The following PPP2R2C variants were observed in gnomAD, a reference collection of about 807,000 sequenced individuals.
PPP2R2C encodes the protein protein phosphatase 2 regulatory subunit Bgamma.
Under a neutral mutation model 45.3 loss-of-function variants are expected in PPP2R2C, and 10 were observed. The ratio of observed to expected loss-of-function variants is 0.22; its 90% confidence interval spans 0.14 to 0.37. The LOEUF (loss-of-function observed/expected upper bound fraction) is 0.37. Among genes scored for constraint, PPP2R2C ranks in the 10% least tolerant of loss-of-function variants. The pLI is 1.00. For synonymous variants in PPP2R2C, 257 were observed against 245.4 expected (o/e 1.05, Z -0.44); for missense variants, 308 against 619.7 (o/e 0.50, Z 5.34).
intron 3 of PPP2R2C, among the ~76,000 whole-genome samples, chr4:6,376,646 GTC>G (rs1241587506): frequency 6.6e-6 from 1 of 152,080 alleles, no homozygotes; most frequent in Non-Finnish European, 1.5e-5. Context: ...TAGAGATAGA[GTC>G]TCACCACGTT....
chr4:6,329,405 C>T lies in PPP2R2C; in HGVS notation c.961-52G>A, dbSNP rs374650423. On this transcript the variant is annotated intron_variant, in intron 7 of 8. Coordinates refer to ENST00000382599, the MANE Select transcript of PPP2R2C (RefSeq NM_020416.4). The surrounding 1 kb of genome is among the most constrained non-coding windows in gnomAD (Gnocchi z 5.8). ...GGACGGGGCGTCCCGACCATCCTGG[C>T]CCTTCCACAAGAAGGGTCTCAAAGA... 1.5e-4 allele frequency: 219 copies of T among 1,506,750 alleles called. No individual in the cohort carries two copies. Among genetic ancestry groups the T allele is most frequent in the Middle Eastern group, 1.4e-3 (8 of 5,858 alleles). 93.3% of individuals were successfully genotyped at this position (1,506,750 alleles called of 1,614,324 possible). A position where few individuals can be genotyped will look rare whatever the true frequency, so the allele number is the denominator to read the frequency against.
At chr4:6,358,521 A>C (rs954441434) in intron 5 of PPP2R2C, among the ~76,000 whole-genome samples, 1 of 77,798 alleles carries the variant, frequency 1.3e-5, no homozygotes, top group Non-Finnish European at 3.5e-5. Flanking sequence ...CTGCACAGCA[A>C]AAAAAAAAAA....
rs79170751 is a variant in PPP2R2C, at chr4:6,334,821, C to T, written c.791-1090G>A. 3.1e-3 allele frequency among the ~76,000 whole-genome samples: 468 copies of T among 152,344 alleles called. 2 individuals are homozygous for T. Among genetic ancestry groups the T allele is most frequent in the African/African-American group, 0.011 (452 of 41,580 alleles). On this transcript the variant is annotated intron_variant, in intron 6 of 8. Transcript: ENST00000382599. ...CCTGCTCTGGTCTCTACCCCAGAAA[C>T]AGGGAAGCAGAGCTGATCACAGCAC...
At position 6,467,343 on chromosome 4, in the gene PPP2R2C, C is replaced by T. The variant is rs188730236; in HGVS notation, c.70+4817G>A. Among the ~76,000 whole-genome samples the T allele has an allele frequency of 8.3e-3, 1,266 of 152,092 alleles. 11 individuals are homozygous for T. Among genetic ancestry groups the T allele is most frequent in the Non-Finnish European group, 0.011 (746 of 67,990 alleles). On this transcript the variant is annotated intron_variant, in intron 1 of 8. Transcript: ENST00000382599. ...GTTCTAAGGGCTAGTCTAACTCTGG[C>T]CCCTAAAGAATAGACATCATCACTT...
chr4:6,363,326 C>A (rs1200776203), intron 5 of PPP2R2C, among the ~76,000 whole-genome samples: 1 of 152,170 alleles, frequency 6.6e-6, no homozygotes, highest in Non-Finnish European at 1.5e-5. Flanking sequence ...CGCCTGTAAA[C>A]CCAGCACTTT....
In PPP2R2C at chr4:6,351,683, G is replaced by A. The variant is rs552382642; in HGVS notation, c.626-3673C>T. On this transcript the variant is annotated intron_variant, in intron 5 of 8. Coordinates refer to ENST00000382599, the MANE Select transcript of PPP2R2C (RefSeq NM_020416.4). ...GCAGAAGGAGAAAAATCACTGTCACGGCCAATGCGGCAGGCCCTCCACAAC... is the reference window on the plus strand; with the variant it reads ...GCAGAAGGAGAAAAATCACTGTCACAGCCAATGCGGCAGGCCCTCCACAAC... Among the ~76,000 whole-genome samples the A allele has an allele frequency of 9.9e-5, 15 of 152,234 alleles. No individual in the cohort carries two copies. The South Asian group carries it at 2.9e-3, about 29-fold the overall frequency.
chr4:6,526,037 A>G (rs1250195393), intron 2 of PPP2R2C, among the ~76,000 whole-genome samples: 1 of 152,114 alleles, frequency 6.6e-6, no homozygotes, highest in Admixed American at 6.5e-5. Flanking sequence ...CTGATCTTGA[A>G]ATGGTTCTGG....
intron 1 of PPP2R2C, among the ~76,000 whole-genome samples, chr4:6,556,855 C>A (rs1037599771): frequency 6.6e-6 from 1 of 152,146 alleles, no homozygotes; most frequent in Non-Finnish European, 1.5e-5. Flanking sequence ...AGCCACTGCA[C>A]CCTCCTCCAA....
chr4:6,562,249 G>A (rs889208979), intron 1 of PPP2R2C, among the ~76,000 whole-genome samples: 1 of 152,180 alleles, frequency 6.6e-6, no homozygotes, highest in South Asian at 2.1e-4. Flanking sequence ...TGTGGGCAAC[G>A]GGCCCCACTC....
At position 6,328,395 on chromosome 4, in the gene PPP2R2C, C is replaced by T. The variant is rs1732125345; in HGVS notation, c.1052+867G>A. ...AGCAGCTGTAGGAGACACTGAGAGG[C>T]CACCTCTCAGCTTCTGAGATCGAAA... On this transcript the variant is annotated intron_variant, in intron 8 of 8. Transcript: ENST00000382599. This position sits in a 1 kb window ranked among gnomAD's most constrained non-coding sequence, Gnocchi z 4.4. Among the ~76,000 whole-genome samples the T allele has an allele frequency of 6.6e-6, 1 of 152,196 alleles. No individual in the cohort carries two copies. Among genetic ancestry groups the T allele is most frequent in the African/African-American group, 2.4e-5 (1 of 41,446 alleles).
chr4:6,522,146 C>A (rs1343528643), intron 2 of PPP2R2C, among the ~76,000 whole-genome samples: 1 of 152,226 alleles, frequency 6.6e-6, no homozygotes, highest in Non-Finnish European at 1.5e-5. Flanking sequence ...ACTCTCCTGC[C>A]TTCTCCCTGC....
intron 1 of PPP2R2C, among the ~76,000 whole-genome samples, chr4:6,389,467 T>C (rs1275038604): frequency 6.6e-6 from 1 of 152,116 alleles, no homozygotes; most frequent in African/African-American, 2.4e-5. Context: ...CTGCTAAGGA[T>C]GGAGGTGGGC....
chr4:6,554,930 G>GAAAGAAAGAAAGAAA (rs1725320816), intron 1 of PPP2R2C, among the ~76,000 whole-genome samples: 3 of 116,188 alleles, frequency 2.6e-5, no homozygotes, highest in African/African-American at 1.2e-4. Context: ...AAGGAAGGAA[G>GAAAGAAAGAAAGAAA]GAAAGAAAGA....
At chr4:6,439,040 CAGTA>C (rs541515193) in intron 1 of PPP2R2C, among the ~76,000 whole-genome samples, 58 of 152,268 alleles carry the variant, frequency 3.8e-4, no homozygotes, top group Admixed American at 1.8e-3. Flanking sequence ...GGAAGAAACC[CAGTA>C]AGTGTTACCT....
chr4:6,534,232 C>T (rs1470828194), intron 2 of PPP2R2C, among the ~76,000 whole-genome samples: 3 of 150,770 alleles, frequency 2.0e-5, no homozygotes, highest in Admixed American at 6.6e-5. Context: ...AACAAACACA[C>T]ACCAACACAC....
chr4:6,462,859 G>C (rs1271040209), intron 1 of PPP2R2C, among the ~76,000 whole-genome samples: 1 of 152,212 alleles, frequency 6.6e-6, no homozygotes, highest in Non-Finnish European at 1.5e-5. Flanking sequence ...AGTACAGCAA[G>C]ATCTTGATAG....
At chr4:6,429,573 G>A (rs111281343) in intron 1 of PPP2R2C, among the ~76,000 whole-genome samples, 19 of 152,270 alleles carry the variant, frequency 1.2e-4, no homozygotes, top group Admixed American at 3.9e-4. Flanking sequence ...CAAACAGCAC[G>A]AGACCCCCTC....
intron 1 of PPP2R2C, chr4:6,384,135 A>C: frequency 1.0e-6 from 1 of 985,290 alleles, no homozygotes; most frequent in Non-Finnish European, 1.2e-6. Context: ...TCCGTGGGGC[A>C]GCCTGCCCTG....
Position 6,511,778 on chromosome 4 carries a change from TAATG to T in PPP2R2C, c.49+23489_49+23492del, listed in dbSNP as rs1560594341. Among the ~76,000 whole-genome samples the T allele has an allele frequency of 1.5e-3, 77 of 51,304 alleles. 9 individuals carry two copies. Among genetic ancestry groups the T allele is most frequent in the Non-Finnish European group, 2.8e-3 (60 of 21,510 alleles). The allele number at this position is 51,304 out of a possible 152,430, so 33.7% of individuals were successfully genotyped here. A position where few individuals can be genotyped will look rare whatever the true frequency, so the allele number is the denominator to read the frequency against. Reference sequence around the variant, plus strand: ...ATGGTGGTGGTGATGGTGATGGTGGTAATGGTGGTGGTGATGGTGATGGTGGTGT... The same window carrying T: ...ATGGTGGTGGTGATGGTGATGGTGGTGTGGTGGTGATGGTGATGGTGGTGT... On this transcript the variant is annotated intron_variant, in intron 2 of 9. Coordinates refer to the PPP2R2C transcript ENST00000506140.
Sources: gnomAD v4.1 joint callset for allele counts (sites outside exome capture counted in the v4.1 genomes callset) on GRCh38, gnomAD v4.1.1 for gene constraint, Gnocchi (gnomAD v3.1) non-coding constraint, MANE v1.5 for transcripts, NCBI Gene and HGNC (gene_info 2026-07-23, HGNC 2026-07-21) for gene names.